GRIK4: variants seen among roughly 807,000 people sequenced by gnomAD.
The protein encoded by GRIK4 is glutamate receptor ionotropic, kainate 4.
GRIK4 carries 40 observed loss-of-function variants against 104.9 expected under a neutral mutation model. The observed-to-expected ratio is 0.38, with a 90% confidence interval of 0.30 to 0.50. GRIK4 has a LOEUF of 0.50. Ranked by LOEUF, GRIK4 falls within the 20% of genes least tolerant of loss-of-function variation. The pLI is 0.93. For missense variants in GRIK4, 1,047 were observed against 1,308.1 expected, an observed-to-expected ratio of 0.80 and a Z score of 3.08; for synonymous variants, 485 against 524.9, an observed-to-expected ratio of 0.92 and a Z score of 1.04.
chr11:120,587,403 G>T (rs867975458), intron 1 of GRIK4, among the ~76,000 whole-genome samples: 1 of 152,092 alleles, frequency 6.6e-6, no homozygotes, highest in Non-Finnish European at 1.5e-5. Flanking sequence ...GATAGCTCAG[G>T]GTTTGAATCT....
intron 1 of GRIK4, among the ~76,000 whole-genome samples, chr11:120,650,241 G>A (rs1415581631): frequency 6.6e-6 from 1 of 152,198 alleles, no homozygotes; most frequent in African/African-American, 2.4e-5. Context: ...GGAGAAAATC[G>A]GCCCTCAATG....
At chr11:120,918,187 TC>T (rs1025394248) in intron 13 of GRIK4, among the ~76,000 whole-genome samples, 8 of 152,260 alleles carry the variant, frequency 5.3e-5, no homozygotes, top group Non-Finnish European at 8.8e-5. Context: ...TGCCTTGCTC[TC>T]CTTCCCACCC....
chr11:120,564,220 A>G (rs1948277720), intron 1 of GRIK4, among the ~76,000 whole-genome samples: 1 of 152,232 alleles, frequency 6.6e-6, no homozygotes, highest in East Asian at 1.9e-4. Context: ...AGACGGCACC[A>G]GGCAGCTGAA....
intron 3 of GRIK4, among the ~76,000 whole-genome samples, chr11:120,696,476 G>A (rs1235086511): frequency 7.3e-6 from 1 of 136,432 alleles, no homozygotes; most frequent in Non-Finnish European, 1.6e-5. Flanking sequence ...AGATAGAGGT[G>A]TCAGTGGGGG....
chr11:120,569,288 C>G (rs1948368587), intron 1 of GRIK4, among the ~76,000 whole-genome samples: 2 of 152,212 alleles, frequency 1.3e-5, no homozygotes, highest in African/African-American at 4.8e-5. Flanking sequence ...CCCCACCACT[C>G]AAGGATCTCT....
At chr11:120,714,990 A>C (rs1318852762) in intron 3 of GRIK4, among the ~76,000 whole-genome samples, 1 of 152,166 alleles carries the variant, frequency 6.6e-6, no homozygotes, top group African/African-American at 2.4e-5. Flanking sequence ...GCATGGGAGG[A>C]AGCAGGTGTT....
At chr11:120,605,018 G>T (rs796117316) in intron 1 of GRIK4, among the ~76,000 whole-genome samples, 12 of 152,220 alleles carry the variant, frequency 7.9e-5, no homozygotes, top group African/African-American at 2.4e-4. Flanking sequence ...GTGCACCACC[G>T]TACCTGCCTA....
At chr11:120,667,170 T>C (rs1949928688) in intron 3 of GRIK4, among the ~76,000 whole-genome samples, 1 of 152,212 alleles carries the variant, frequency 6.6e-6, no homozygotes, top group African/African-American at 2.4e-5. Flanking sequence ...TCTCATCCTC[T>C]CATAGGGAGA....
intron 1 of GRIK4, among the ~76,000 whole-genome samples, chr11:120,589,267 G>A (rs1302403283): frequency 6.6e-6 from 1 of 152,144 alleles, no homozygotes; most frequent in Non-Finnish European, 1.5e-5. Context: ...CACCTTGAGA[G>A]CCGCTGCACT....
chr11:120,527,166 T>C (rs7120265), intron 1 of GRIK4, among the ~76,000 whole-genome samples: 6,323 of 152,268 alleles, frequency 0.042, 438 homozygotes, highest in African/African-American at 0.14. Flanking sequence ...GTTGCCCTGA[T>C]CCCGCCTCGG....
At chr11:120,644,472 G>A (rs953102356) in intron 1 of GRIK4, among the ~76,000 whole-genome samples, 1 of 152,242 alleles carries the variant, frequency 6.6e-6, no homozygotes, top group African/African-American at 2.4e-5. Context: ...AGACAAGGCA[G>A]CTGAGGCTCA....
chr11:120,787,354 A>G (rs1205442691), intron 3 of GRIK4, among the ~76,000 whole-genome samples: 1 of 152,060 alleles, frequency 6.6e-6, no homozygotes, highest in African/African-American at 2.4e-5. Context: ...GAAACAAAAC[A>G]TAGTGTTTGT....
chr11:120,660,794 A>G (rs1304443508), intron 3 of GRIK4, among the ~76,000 whole-genome samples: 2 of 152,050 alleles, frequency 1.3e-5, no homozygotes, highest in Non-Finnish European at 2.9e-5. Context: ...CTTCCTGGAG[A>G]GAGTGCTATG....
chr11:120,697,897 C>T (rs554184711), intron 3 of GRIK4, among the ~76,000 whole-genome samples: 5 of 152,230 alleles, frequency 3.3e-5, no homozygotes, highest in Non-Finnish European at 7.4e-5. Context: ...CTGCACCTGC[C>T]GTGCCGTCTT....
At chr11:120,909,095 G>GGGCCA (rs1942936499) in intron 13 of GRIK4, among the ~76,000 whole-genome samples, 1 of 152,254 alleles carries the variant, frequency 6.6e-6, no homozygotes, top group African/African-American at 2.4e-5. Context: ...ACCATGGGCC[G>GGGCCA]GGCCAGGCCA....
chr11:120,909,144 G>A (rs1326160281), intron 13 of GRIK4, among the ~76,000 whole-genome samples: 1 of 152,266 alleles, frequency 6.6e-6, no homozygotes, highest in Non-Finnish European at 1.5e-5. Context: ...AGAACCTGCT[G>A]AGCCTCTCTC....
At chr11:120,552,072 TAATC>T (rs1466080913) in intron 1 of GRIK4, among the ~76,000 whole-genome samples, 1 of 152,214 alleles carries the variant, frequency 6.6e-6, no homozygotes, top group Admixed American at 6.5e-5. Flanking sequence ...TCCAGCAAAT[TAATC>T]AAACTCAAAG....
chr11:120,798,150 G>GCTGTCT (rs1952555953), intron 3 of GRIK4, among the ~76,000 whole-genome samples: 2 of 141,318 alleles, frequency 1.4e-5, no homozygotes, highest in Admixed American at 1.5e-4. Context: ...AGTGAGCTCT[G>GCTGTCT]CTGTCTCTTT....
At chr11:120,760,467 T>C (rs1381554358) in intron 3 of GRIK4, among the ~76,000 whole-genome samples, 2 of 150,662 alleles carry the variant, frequency 1.3e-5, no homozygotes, top group Non-Finnish European at 3.0e-5. Flanking sequence ...TTTATTATAC[T>C]TTAAGTTCTG....
Sources: gnomAD v4.1 joint callset for allele counts (sites outside exome capture counted in the v4.1 genomes callset) on GRCh38, gnomAD v4.1.1 for gene constraint, MANE v1.5 for transcripts, NCBI Gene and HGNC (gene_info 2026-07-23, HGNC 2026-07-21) for gene names.